The following ARIH2 variants were observed in gnomAD, a reference collection of about 807,000 sequenced individuals.
ARIH2 encodes ariadne RBR E3 ubiquitin protein ligase 2.
Under a neutral mutation model 79.8 loss-of-function variants are expected in ARIH2, and 12 were observed. The ratio of observed to expected loss-of-function variants is 0.15; its 90% CI spans 0.10 to 0.24. ARIH2 has a LOEUF of 0.24. ARIH2 is among the 10% of genes least tolerant of loss of function. The probability of loss-of-function intolerance (pLI) is 1.00; values close to 1 mark genes in which losing one functional copy is unlikely to be tolerated. For synonymous variants in ARIH2, 224 were observed against 213.9 expected (o/e 1.05, Z -0.41); for missense variants, 301 against 618.3 (o/e 0.49, Z 5.44).
intron 3 of ARIH2, chr3:48,944,986 TGA>T: frequency 1.9e-6 from 1 of 519,316 alleles, no homozygotes; most frequent in Non-Finnish European, 3.2e-6. Context: ...TTTTAGTGAG[TGA>T]CCACTAGTGT....
chr3:48,954,665 G>A lies in ARIH2; in HGVS notation c.256-6947G>A, dbSNP rs145157473. Among the ~76,000 whole-genome samples, 597 of 152,278 alleles carry A rather than the reference G, an allele frequency of 3.9e-3. 4 individuals are homozygous for A. Among genetic ancestry groups the A allele is most frequent in the Middle Eastern group, 0.01 (3 of 294 alleles). On this transcript the variant is annotated intron_variant, in intron 3 of 15. Transcript: ENST00000356401. The stretch of plus-strand genomic sequence containing the variant: ...TCTTAGGGTTTGCTCTTTAAACAGG[G>A]ATGAGATTTCCTCTGGGGAATAGTG...
At chr3:48,943,536 A>G (rs1368441402) in intron 3 of ARIH2, 2 of 151,838 alleles carry the variant, frequency 1.3e-5, no homozygotes, top group African/African-American at 2.4e-5. Context: ...TAGCACAGGT[A>G]TTGTTCCAGG....
Position 48,978,415 on chromosome 3 carries a change from T to TTGTG in ARIH2, c.962-1065_962-1062dup, listed in dbSNP as rs34142276. Among the ~76,000 whole-genome samples, 51 of 90,686 alleles carry TTGTG rather than the reference T, an allele frequency of 5.6e-4. 1 individual carries two copies. Among genetic ancestry groups the TTGTG allele is most frequent in the South Asian group, 2.3e-3 (4 of 1,766 alleles). 59.5% of individuals were successfully genotyped at this position (90,686 alleles called of 152,430 possible). A position where few individuals can be genotyped will look rare whatever the true frequency, so the allele number is the denominator to read the frequency against. On this transcript the variant is annotated intron_variant, in intron 11 of 15. Coordinates refer to ENST00000356401, the MANE Select transcript of ARIH2 (RefSeq NM_006321.4). Reference sequence around the variant, plus strand: ...GCATGTGCCACCACACCTGGCTAATTTGTGTATGTGTGTGTGTGTGTGTGT... The same window carrying TTGTG: ...GCATGTGCCACCACACCTGGCTAATTTGTGTGTGTATGTGTGTGTGTGTGTGTGT...
intron 1 of ARIH2, among the ~76,000 whole-genome samples, chr3:48,921,978 A>G (rs2084893976): frequency 6.6e-6 from 1 of 152,164 alleles, no homozygotes; most frequent in Non-Finnish European, 1.5e-5. Flanking sequence ...AAATATTAGC[A>G]TTATTCTGTG....
chr3:48,939,498 C>G (rs960199786), intron 3 of ARIH2, among the ~76,000 whole-genome samples: 16 of 151,790 alleles, frequency 1.1e-4, no homozygotes, highest in Non-Finnish European at 2.4e-4. Context: ...TGACTCACGC[C>G]TGTAATCCCA....
At chr3:48,935,236 T>G (rs547905555) in intron 3 of ARIH2, among the ~76,000 whole-genome samples, 3 of 152,322 alleles carry the variant, frequency 2.0e-5, no homozygotes, top group African/African-American at 7.2e-5. Flanking sequence ...AAAATAACTG[T>G]AAACAAAACA....
intron 3 of ARIH2, among the ~76,000 whole-genome samples, chr3:48,946,966 C>CT (rs2107323245): frequency 6.6e-6 from 1 of 152,314 alleles, no homozygotes; most frequent in South Asian, 2.1e-4. Flanking sequence ...GAGTTCTTAT[C>CT]TTTGGGGCTT....
chr3:48,939,250 G>A (rs1246020671), intron 3 of ARIH2, among the ~76,000 whole-genome samples: 2 of 152,044 alleles, frequency 1.3e-5, no homozygotes, highest in Non-Finnish European at 2.9e-5. Context: ...TTACGGGGGC[G>A]CCTGGCCAAA....
intron 3 of ARIH2, among the ~76,000 whole-genome samples, chr3:48,955,555 CAG>C (rs1347393081): frequency 3.3e-5 from 5 of 152,082 alleles, no homozygotes; most frequent in South Asian, 2.1e-4. Context: ...AACAAGGGGA[CAG>C]GGGGTGAAGG....
chr3:48,982,755 T>C (rs534178790), intron 14 of ARIH2, 141 bp from the exon 15 acceptor site: 4 of 661,326 alleles, frequency 6.0e-6, no homozygotes, highest in Non-Finnish European at 1.1e-5. Context: ...GCACAGGGAA[T>C]AACACTACTT....
intron 11 of ARIH2, 103 bp from the exon 12 acceptor site, chr3:48,979,379 G>T: frequency 7.6e-7 from 1 of 1,309,444 alleles, no homozygotes; most frequent in South Asian, 1.4e-5. Flanking sequence ...TTGTGTTCAG[G>T]TGACCCCTTT....
intron 3 of ARIH2, among the ~76,000 whole-genome samples, chr3:48,951,901 T>C (rs1051980729): frequency 4.6e-5 from 7 of 152,124 alleles, no homozygotes; most frequent in African/African-American, 1.7e-4. Flanking sequence ...TTGGATTTTA[T>C]TTCTTTCTCT....
chr3:48,944,883 T>C (rs2088895732), intron 3 of ARIH2: 1 of 357,052 alleles, frequency 2.8e-6, no homozygotes, highest in Non-Finnish European at 5.5e-6. Flanking sequence ...TTGATCTCTT[T>C]AGGCTGATTT....
chr3:48,935,281 TA>T (rs1469706496), intron 3 of ARIH2, among the ~76,000 whole-genome samples: 1 of 152,256 alleles, frequency 6.6e-6, no homozygotes, highest in Non-Finnish European at 1.5e-5. Context: ...CATTGCATTA[TA>T]ATAATCAGTA....
At chr3:48,967,087 G>A (rs749667987) in intron 5 of ARIH2, 38 bp from the exon 6 acceptor site, 4 of 1,604,978 alleles carry the variant, frequency 2.5e-6, no homozygotes, top group Non-Finnish European at 2.6e-6. Flanking sequence ...TTCTGGACCT[G>A]ACTCCTCTTT....
chr3:48,974,821 C>G lies in ARIH2; in HGVS notation c.893C>G (p.Pro298Arg). 6.2e-7 allele frequency: 1 copy of G among 1,613,222 alleles called. No individual in the cohort carries two copies. Among genetic ancestry groups the G allele is most frequent in the Non-Finnish European group, 8.5e-7 (1 of 1,180,032 alleles). Residue 298 changes from proline (P) to arginine (R), a missense_variant, in exon 10 of 16, where the codon CCC (proline) becomes CGC (arginine). Around this residue, in one of 2 missense-constraint regions of ARIH2, gnomAD observed 78 missense variants for 268.9 expected, o/e 0.29. Coordinates refer to ENST00000356401, the MANE Select transcript of ARIH2 (RefSeq NM_006321.4). The part of the protein sequence containing the change: ...NYISAHTKDC[P>R]KCNICIEKNG... The stretch of plus-strand genomic sequence containing the variant: ...GGCACCCTTCTGTCTCCTCAGTGTC[C>G]CAAGTGCAACATCTGCATTGAGAAG...
intron 3 of ARIH2, among the ~76,000 whole-genome samples, chr3:48,947,310 G>T (rs1188707908): frequency 2.0e-5 from 3 of 152,176 alleles, no homozygotes; most frequent in Middle Eastern, 3.4e-3. Context: ...GCGTTGTAGC[G>T]CATGCCTATA....
At chr3:48,959,532 A>C (rs2091010872) in intron 3 of ARIH2, among the ~76,000 whole-genome samples, 2 of 150,856 alleles carry the variant, frequency 1.3e-5, no homozygotes. Flanking sequence ...CCTCTGCAAG[A>C]AAATACTGTG....
In ARIH2 at chr3:48,980,349, G is replaced by A. The variant is rs962112166; in HGVS notation, c.1114-4G>A. ...TGGTTTTCTTCTTCTTCTGTGCCCT[G>A]TAGTGGGAAAACCACAATAAAAGCT... On this transcript the variant is annotated splice_polypyrimidine_tract_variant and splice_region_variant and intron_variant, in intron 12 of 15. Transcript: ENST00000356401. 1.2e-6 allele frequency: 2 copies of A among 1,612,858 alleles called. 1 individual carries two copies. Among genetic ancestry groups the A allele is most frequent in the Middle Eastern group, 3.8e-4 (2 of 5,288 alleles).
Sources: allele counts gnomAD v4.1 joint callset (sites outside exome capture counted in the v4.1 genomes callset), GRCh38; gene constraint gnomAD v4.1.1; regional missense constraint gnomAD v4.1.1; transcripts MANE v1.5; gene names NCBI Gene and HGNC (gene_info 2026-07-23, HGNC 2026-07-21).